Variants in COL27A1 observed in about 807,000 individuals in gnomAD.
The protein encoded by COL27A1 is collagen alpha-1(XXVII) chain.
COL27A1 carries 106 observed loss-of-function variants against 251.3 expected under a neutral mutation model. The observed-to-expected ratio is 0.42, with a 90% CI of 0.36 to 0.50. The LOEUF (loss-of-function observed/expected upper bound fraction) is 0.50, where lower values mean the gene tolerates loss of function less well. COL27A1 is among the 20% of genes least tolerant of loss of function. The probability of loss-of-function intolerance (pLI) is 0.00; values close to 1 mark genes in which losing one functional copy is unlikely to be tolerated. For missense variants in COL27A1, 2,325 were observed against 2,522.8 expected (o/e 0.92, Z 1.68); for synonymous variants, 1,000 against 986.3 (o/e 1.01, Z -0.26).
intron 4 of COL27A1, 90 bp from the exon 5 acceptor site, chr9:114,182,932 T>C (rs1588608780): frequency 9.1e-7 from 1 of 1,096,570 alleles, no homozygotes; most frequent in Non-Finnish European, 1.4e-6. Context: ...AACCAGTGGG[T>C]GGAGGGAAGG....
rs1834107819 is a variant in COL27A1 at position 114,258,596 on chromosome 9, T to A, written c.3195+2T>A. On this transcript the variant is annotated splice_donor_variant, in intron 28 of 60. Transcript: ENST00000356083. LOFTEE classifies it high-confidence loss of function. ...ATGAGGGGAGCAAAGGGACGTCGGGTAAGTCGAGCCCAGCTCCTGGGGGCT... is the reference window on the plus strand; with the variant it reads ...ATGAGGGGAGCAAAGGGACGTCGGGAAAGTCGAGCCCAGCTCCTGGGGGCT... The A allele has an allele frequency of 6.2e-7, 1 of 1,613,718 alleles. No individual in the cohort carries two copies.
chr9:114,189,439 C>A (rs564078275), intron 5 of COL27A1, among the ~76,000 whole-genome samples: 2 of 151,882 alleles, frequency 1.3e-5, no homozygotes, highest in Admixed American at 6.6e-5. Flanking sequence ...TTCTGTGTAT[C>A]CTCCTTCTTT....
rs144646538 is a variant in COL27A1 at position 114,238,985 on chromosome 9, C to G, written c.2728-1235C>G. On this transcript the variant is annotated intron_variant, in intron 19 of 60. Coordinates refer to ENST00000356083, the MANE Select transcript of COL27A1 (RefSeq NM_032888.4). ...AAATAAGGTCTGCTTTGGCCCTTTCCTGGGTCCCTGGACAATTTAGCCATC... is the reference window on the plus strand; with the variant it reads ...AAATAAGGTCTGCTTTGGCCCTTTCGTGGGTCCCTGGACAATTTAGCCATC... 4.1e-3 allele frequency among the ~76,000 whole-genome samples: 626 copies of G among 152,354 alleles called. 6 individuals are homozygous for G. The highest frequency in any genetic ancestry group is 0.015 in the African/African-American group (603 of 41,578).
intron 4 of COL27A1, among the ~76,000 whole-genome samples, chr9:114,178,850 GAGGGAAAATAGCTCCT>G (rs1827678980): frequency 6.6e-6 from 1 of 152,142 alleles, no homozygotes; most frequent in African/African-American, 2.4e-5. Context: ...CCAAGCCCGA[GAGGGAAAATAGCTCCT>G]ATGTGATGTG....
chr9:114,306,917 C>A, intron 58 of COL27A1: 1 of 531,738 alleles, frequency 1.9e-6, no homozygotes, highest in Non-Finnish European at 3.3e-6. Context: ...AGAAAAAGCT[C>A]CTGAGGCTGT....
intron 2 of COL27A1, among the ~76,000 whole-genome samples, chr9:114,167,327 T>C (rs1306476893): frequency 1.3e-5 from 2 of 152,230 alleles, no homozygotes. Context: ...TGTTACATCC[T>C]TCTGAGGTTG....
intron 49 of COL27A1, among the ~76,000 whole-genome samples, chr9:114,293,703 G>A (rs1828074009): frequency 6.6e-6 from 1 of 152,146 alleles, no homozygotes; most frequent in Non-Finnish European, 1.5e-5. Flanking sequence ...CTACAGATAT[G>A]ACAGAAATTA....
intron 1 of COL27A1, among the ~76,000 whole-genome samples, chr9:114,162,120 C>T (rs1848537389): frequency 6.6e-6 from 1 of 152,220 alleles, no homozygotes; most frequent in Non-Finnish European, 1.5e-5. Flanking sequence ...CTCCCACTTT[C>T]CATTAGGATA....
chr9:114,265,564 A>G, intron 32 of COL27A1, 89 bp downstream of exon 32: 1 of 1,358,114 alleles, frequency 7.4e-7, no homozygotes, highest in Non-Finnish European at 1.0e-6. Flanking sequence ...AAGGGTTGGA[A>G]AGGGACCATG....
At chr9:114,260,691 G>C (rs1323478603) in intron 28 of COL27A1, among the ~76,000 whole-genome samples, 1 of 152,108 alleles carries the variant, frequency 6.6e-6, no homozygotes, top group Non-Finnish European at 1.5e-5. Flanking sequence ...CTCATCCTCT[G>C]TTCTTGGTGA....
At chr9:114,266,989 G>C (rs1177110413) in intron 33 of COL27A1, among the ~76,000 whole-genome samples, 1 of 152,166 alleles carries the variant, frequency 6.6e-6, no homozygotes, top group Non-Finnish European at 1.5e-5. Flanking sequence ...GGGTCATGCA[G>C]CAAGGAACTT....
At chr9:114,174,300 G>A (rs553726078) in intron 3 of COL27A1, among the ~76,000 whole-genome samples, 171 of 148,066 alleles carry the variant, frequency 1.2e-3, no homozygotes, top group Non-Finnish European at 1.9e-3. Context: ...AGCAGAGGCA[G>A]GTGAAACACA....
At chr9:114,293,297 G>T (rs763500475) in intron 49 of COL27A1, among the ~76,000 whole-genome samples, 1 of 152,248 alleles carries the variant, frequency 6.6e-6, no homozygotes, top group Non-Finnish European at 1.5e-5. Context: ...TGACCCATGG[G>T]TCAAAGAAGA....
At chr9:114,262,595 G>A (rs536284800) in intron 28 of COL27A1, among the ~76,000 whole-genome samples, 1 of 152,334 alleles carries the variant, frequency 6.6e-6, no homozygotes, top group African/African-American at 2.4e-5. Context: ...TGTGGGCATC[G>A]CCTCCTGTCT....
At chr9:114,208,165 C>T (rs774266921) in intron 10 of COL27A1, among the ~76,000 whole-genome samples, 15 of 151,688 alleles carry the variant, frequency 9.9e-5, no homozygotes, top group African/African-American at 2.4e-4. Context: ...GGGCTGGGCG[C>T]GGTGGCTCGT....
chr9:114,290,268 G>A lies in COL27A1; in HGVS notation c.4305G>A (p.Gln1435=). 1 of 1,578,608 alleles carries A rather than the reference G, an allele frequency of 6.3e-7. No homozygotes were observed. Among genetic ancestry groups the A allele is most frequent in the Non-Finnish European group, 8.6e-7 (1 of 1,162,258 alleles). ...LPGPRGVVGR[Q]GLEGIAGPDG... ...GGCCCCGGGGCGTGGTGGGGAGACAGGGCCTCGAGGGCATCGCTGGACCAG... is the reference window on the plus strand; with the variant it reads ...GGCCCCGGGGCGTGGTGGGGAGACAAGGCCTCGAGGGCATCGCTGGACCAG... The change falls in exon 47 of 61, where the codon CAG becomes CAA. Residue 1435 remains glutamine (Q), a synonymous_variant. Transcript: ENST00000356083. The surrounding 1 kb of genome is among the most constrained non-coding windows in gnomAD (Gnocchi z 4.6).
At chr9:114,263,135 C>T (rs1306847940) in intron 28 of COL27A1, among the ~76,000 whole-genome samples, 1 of 152,030 alleles carries the variant, frequency 6.6e-6, no homozygotes, top group Non-Finnish European at 1.5e-5. Flanking sequence ...GATGGGGTTT[C>T]ACCATGTTGG....
intron 6 of COL27A1, among the ~76,000 whole-genome samples, chr9:114,195,166 G>A (rs1253466360): frequency 1.3e-5 from 2 of 152,200 alleles, no homozygotes; most frequent in African/African-American, 4.8e-5. Context: ...CAGCCCCAGA[G>A]CCATCCTGAT....
At chr9:114,236,896 C>T in intron 17 of COL27A1, 85 bp from the exon 18 acceptor site, 1 of 1,307,960 alleles carries the variant, frequency 7.6e-7, no homozygotes. Flanking sequence ...TTCTCTGGGC[C>T]TGGGACCAGC....
Sources: gnomAD v4.1 joint callset for allele counts (sites outside exome capture counted in the v4.1 genomes callset) on GRCh38, gnomAD v4.1.1 for gene constraint, Gnocchi (gnomAD v3.1) non-coding constraint, MANE v1.5 for transcripts, NCBI Gene and HGNC (gene_info 2026-07-23, HGNC 2026-07-21) for gene names.